Variants in MATN3 observed in about 807,000 individuals in gnomAD.
MATN3 encodes the protein matrilin 3, also known as matrilin-3.
MATN3 carries 48 observed loss-of-function variants against 45.3 expected under a neutral mutation model. The observed-to-expected ratio is 1.06, with a 90% CI of 0.84 to 1.35. The LOEUF (loss-of-function observed/expected upper bound fraction) is 1.35, where lower values mean the gene tolerates loss of function less well. Ranked by LOEUF, MATN3 falls within the 40% of genes most tolerant of loss-of-function variation. MATN3 has a pLI of 0.00. For missense variants in MATN3, 599 were observed against 628.0 expected, an observed-to-expected ratio of 0.95 and a Z score of 0.49; for synonymous variants, 217 against 245.9, an observed-to-expected ratio of 0.88 and a Z score of 1.10.
At chr2:19,997,396 C>T (rs1672896985) in intron 5 of MATN3, 137 bp from the exon 6 acceptor site, 4 of 831,130 alleles carry the variant, frequency 4.8e-6, no homozygotes. Flanking sequence ...CAACAGGCCC[C>T]ATGCTGCAGG....
At chr2:19,997,309 A>G (rs1305313635) in intron 5 of MATN3, 50 bp from the exon 6 acceptor site, 1 of 1,531,712 alleles carries the variant, frequency 6.5e-7, no homozygotes, top group East Asian at 2.4e-5. Context: ...TAAATAGAAA[A>G]GTAAACACAA....
rs1673240208 is a variant in MATN3, at chr2:20,012,551, G to A, written c.81C>T (p.Ala27=). The A allele has an allele frequency of 8.2e-7, 1 of 1,226,376 alleles. No individual in the cohort carries two copies. The highest frequency in any genetic ancestry group is 1.0e-6 in the Non-Finnish European group (1 of 984,936). The allele number at this position is 1,226,376 out of a possible 1,614,324, so 76.0% of individuals were successfully genotyped here. ...AGCCCGGGCGGGCCACGGGGTCGGGGGCGGCGGAGGGCAGCAGCAGCAGCG... is the reference window on the plus strand; with the variant it reads ...AGCCCGGGCGGGCCACGGGGTCGGGAGCGGCGGAGGGCAGCAGCAGCAGCG... The part of the protein sequence containing the change: ...LWPLLLLPSA[A]PDPVARPGFR... The change falls in exon 1 of 8, where the codon GCC becomes GCT. Residue 27 remains alanine, a synonymous_variant. Transcript: ENST00000407540. This position sits in a 1 kb window ranked among gnomAD's most constrained non-coding sequence, Gnocchi z 4.3.
chr2:20,010,484 G>C (rs1673200921), intron 1 of MATN3, among the ~76,000 whole-genome samples: 1 of 152,206 alleles, frequency 6.6e-6, no homozygotes, highest in African/African-American at 2.4e-5. Context: ...AAGTCAAAGA[G>C]CTCTACACAA....
At chr2:20,010,071 A>AAAAAAAAAAAAAAAAAAAAAAAAAAAAC (rs1673190232) in intron 1 of MATN3, among the ~76,000 whole-genome samples, 1 of 76,352 alleles carries the variant, frequency 1.3e-5, no homozygotes, top group Non-Finnish European at 3.8e-5. Flanking sequence ...AAATACTAAA[A>AAAAAAAAAAAAAAAAAAAAAAAAAAAAC]AAAAAAAAAA....
chr2:19,997,091 A>C (rs750317579), intron 6 of MATN3, 43 bp downstream of exon 6: 1 of 1,602,700 alleles, frequency 6.2e-7, no homozygotes, highest in East Asian at 2.2e-5. Context: ...CTCCTGAAAA[A>C]TTTTCCTACC....
In MATN3 at chr2:20,006,099, G is replaced by A; in HGVS notation, c.435C>T (p.Ser145=). 6.2e-7 allele frequency: 1 copy of A among 1,613,990 alleles called. No individual in the cohort carries two copies. The highest frequency in any genetic ancestry group is 8.5e-7 in the Non-Finnish European group (1 of 1,179,892). The change falls in exon 2 of 8, where the codon TCC becomes TCT. Residue 145 remains serine (S), a synonymous_variant. Coordinates refer to ENST00000407540, the MANE Select transcript of MATN3 (RefSeq NM_002381.5). ...FQLQAYTDKQ[S]LKQAVGRITP... ...TGATTCGACCCACGGCCTGCTTCAGGGACTGCTTATCTGTGTAGGCCTGGA... is the reference window on the plus strand; with the variant it reads ...TGATTCGACCCACGGCCTGCTTCAGAGACTGCTTATCTGTGTAGGCCTGGA...
Position 19,994,355 on chromosome 2 carries a change from G to C in MATN3, c.1349C>G (p.Ala450Gly), listed in dbSNP as rs752227809. The change falls in exon 7 of 8, where the codon GCT becomes GGT. Residue 450 changes from alanine (A) to glycine (G), a missense_variant. Transcript: ENST00000407540. ...GACCTTGTCCTGGAATGCCAGTGTAGCTTCACATCCACAAGCATCTTCAGT... is the reference window on the plus strand; with the variant it reads ...GACCTTGTCCTGGAATGCCAGTGTACCTTCACATCCACAAGCATCTTCAGT... ...VSTEDACGCE[A>G]TLAFQDKVSS... 6.2e-7 allele frequency: 1 copy of C among 1,613,538 alleles called. No homozygotes were observed. Among genetic ancestry groups the C allele is most frequent in the Non-Finnish European group, 8.5e-7 (1 of 1,179,700 alleles).
chr2:20,005,563 G>C (rs1673080553), intron 2 of MATN3, among the ~76,000 whole-genome samples, 181 bp downstream of exon 2: 1 of 152,110 alleles, frequency 6.6e-6, no homozygotes, highest in Admixed American at 6.5e-5. Context: ...TAAACCAATA[G>C]AGTGTGTTTA....
chr2:19,999,984 T>G (rs1672954030), intron 5 of MATN3, among the ~76,000 whole-genome samples: 1 of 152,214 alleles, frequency 6.6e-6, no homozygotes, highest in South Asian at 2.1e-4. Context: ...TGTGTGGGTC[T>G]AATTCAGGCA....
At chr2:20,009,868 G>C (rs752649392) in intron 1 of MATN3, among the ~76,000 whole-genome samples, 2 of 151,516 alleles carry the variant, frequency 1.3e-5, no homozygotes, top group East Asian at 3.9e-4. Context: ...CACCACCACC[G>C]GCTTTGAGTT....
At chr2:20,000,707 C>G (rs1377688825) in intron 4 of MATN3, 141 bp from the exon 5 acceptor site, 2 of 753,956 alleles carry the variant, frequency 2.7e-6, no homozygotes, top group African/African-American at 3.6e-5. Context: ...CTGTTTTTTT[C>G]TAACTAGAAG....
rs561725542 is a variant in MATN3 at position 19,995,174 on chromosome 2, C to T, written c.1295-765G>A. ...ATATACCAAAGATGAAAACTAGGGC[C>T]AGGCGCAGTGGCTCACACCTGTAAT... On this transcript the variant is annotated intron_variant, in intron 6 of 7. Transcript: ENST00000407540. The surrounding 1 kb of genome is among the most constrained non-coding windows in gnomAD (Gnocchi z 4.2). Among the ~76,000 whole-genome samples, 5 of 152,256 alleles carry T rather than the reference C, an allele frequency of 3.3e-5. No individual in the cohort carries two copies. The highest frequency in any genetic ancestry group is 6.5e-5 in the Admixed American group (1 of 15,286).
At chr2:20,002,539 T>C (rs1351283214) in intron 3 of MATN3, among the ~76,000 whole-genome samples, 1 of 152,086 alleles carries the variant, frequency 6.6e-6, no homozygotes, top group African/African-American at 2.4e-5. Context: ...TGAAATAAAA[T>C]CCAGGAAAAT....
At position 20,006,272 on chromosome 2, in the gene MATN3, T is replaced by C. The variant is rs768785469; in HGVS notation, c.262A>G (p.Ile88Val). The C allele has an allele frequency of 6.3e-6, 10 of 1,596,732 alleles. No individual in the cohort carries two copies. Among genetic ancestry groups the C allele is most frequent in the Non-Finnish European group, 8.5e-6 (10 of 1,172,506 alleles). ...KSRPLDLVFI[I>V]DSSRSVRPLE... ...GGCCGTACGCTACGAGAACTATCAA[T>C]GATAAACACCAGGTCCAAGGGTCTG... Residue 88 changes from isoleucine to valine, a missense_variant, in exon 2 of 8, where the codon ATT (isoleucine) becomes GTT (valine). Coordinates refer to ENST00000407540, the MANE Select transcript of MATN3 (RefSeq NM_002381.5).
At chr2:20,001,568 A>G (rs1165242863) in intron 4 of MATN3, among the ~76,000 whole-genome samples, 1 of 152,190 alleles carries the variant, frequency 6.6e-6, no homozygotes, top group Non-Finnish European at 1.5e-5. Flanking sequence ...ACTATGTGTC[A>G]TCACTGATGA....
chr2:20,001,596 T>A (rs1457563469), intron 4 of MATN3, among the ~76,000 whole-genome samples: 3 of 152,202 alleles, frequency 2.0e-5, no homozygotes, highest in Admixed American at 6.5e-5. Context: ...TTTGATCACT[T>A]AGTTAAGGTG....
intron 2 of MATN3, among the ~76,000 whole-genome samples, chr2:20,004,426 T>C (rs1673055662): frequency 6.6e-6 from 1 of 152,188 alleles, no homozygotes; most frequent in Non-Finnish European, 1.5e-5. Flanking sequence ...GGTGATTTCC[T>C]GGGAGAAAGA....
At position 19,993,231 on chromosome 2, in the gene MATN3, A is replaced by G. The variant is rs552157884; in HGVS notation, c.1406-65T>C. ...ATTAGAAAATATAAACACACTTTCA[A>G]ACACTTCACAAGATAAAATAATTAT... On this transcript the variant is annotated intron_variant, in intron 7 of 7. Coordinates refer to ENST00000407540, the MANE Select transcript of MATN3 (RefSeq NM_002381.5). 104 of 1,143,346 alleles carry G rather than the reference A, an allele frequency of 9.1e-5. No homozygotes were observed. The South Asian group carries it at 1.2e-3, about 13-fold the overall frequency. 70.8% of individuals were successfully genotyped at this position (1,143,346 alleles called of 1,614,324 possible).
chr2:19,997,842 T>C (rs1672910006), intron 5 of MATN3: 1 of 152,226 alleles, frequency 6.6e-6, no homozygotes. Flanking sequence ...TGTGTATGAT[T>C]AGAGAGTGAA....
Sources: gnomAD v4.1 joint callset for allele counts (sites outside exome capture counted in the v4.1 genomes callset) on GRCh38, gnomAD v4.1.1 for gene constraint, Gnocchi (gnomAD v3.1) non-coding constraint, MANE v1.5 for transcripts, NCBI Gene and HGNC (gene_info 2026-07-23, HGNC 2026-07-21) for gene names.